Variants in LHFPL6 observed in about 807,000 individuals in gnomAD.
LHFPL6 encodes the protein LHFPL tetraspan subfamily member 6 protein.
In LHFPL6, 9 loss-of-function variants were observed where a neutral mutation model predicts 20.6. The observed-to-expected ratio is 0.44, with a 90% CI of 0.26 to 0.76. The LOEUF (loss-of-function observed/expected upper bound fraction) is 0.76, where lower values mean the gene tolerates loss of function less well. Among genes scored for constraint, LHFPL6 ranks in the 30% least tolerant of loss-of-function variants. The pLI, the probability that LHFPL6 is intolerant of heterozygous loss-of-function variation, is 0.20. For missense variants in LHFPL6, 218 were observed against 253.5 expected, an observed-to-expected ratio of 0.86 and a Z score of 0.95; for synonymous variants, 105 against 98.7, an observed-to-expected ratio of 1.06 and a Z score of -0.38.
chr13:39,398,224 T>C (rs1355653498), intron 2 of LHFPL6, among the ~76,000 whole-genome samples: 2 of 152,226 alleles, frequency 1.3e-5, no homozygotes, highest in African/African-American at 4.8e-5. Context: ...ACTGAGTTTC[T>C]GAATAAGCTC....
chr13:39,562,659 CACATATATACACACATATAT>C, intron 2 of LHFPL6, among the ~76,000 whole-genome samples: 2 of 135,398 alleles, frequency 1.5e-5, no homozygotes, highest in South Asian at 4.9e-4. Context: ...CACACATATA[CACATATATACACACATATAT>C]ACACACACAC....
chr13:39,508,188 C>T (rs1869558335), intron 2 of LHFPL6, among the ~76,000 whole-genome samples: 2 of 152,070 alleles, frequency 1.3e-5, no homozygotes, highest in African/African-American at 4.8e-5. Context: ...CCACGCCTGG[C>T]TAATTTTTGT....
At chr13:39,505,426 T>C (rs974014390) in intron 2 of LHFPL6, among the ~76,000 whole-genome samples, 1 of 151,814 alleles carries the variant, frequency 6.6e-6, no homozygotes, top group East Asian at 1.9e-4. Context: ...AGTGACAAAC[T>C]ACTGAAAGAA....
chr13:39,353,393 G>A (rs1014588243), intron 3 of LHFPL6, among the ~76,000 whole-genome samples: 3 of 152,054 alleles, frequency 2.0e-5, no homozygotes, highest in African/African-American at 4.8e-5. Context: ...GAAGTAAAAC[G>A]GCTGAGAGAA....
At chr13:39,384,323 C>T (rs546242138) in intron 2 of LHFPL6, among the ~76,000 whole-genome samples, 1 of 152,268 alleles carries the variant, frequency 6.6e-6, no homozygotes, top group South Asian at 2.1e-4. Context: ...TAAGTAACCT[C>T]CCCTGAAATG....
chr13:39,407,992 A>G (rs1008043347), intron 2 of LHFPL6, among the ~76,000 whole-genome samples: 11 of 152,246 alleles, frequency 7.2e-5, no homozygotes, highest in Non-Finnish European at 1.5e-4. Context: ...TTCCTTCTGC[A>G]TAACAGCGTA....
In LHFPL6 at chr13:39,353,230, G is replaced by C. The variant is rs111476665; in HGVS notation, c.485-9176C>G. ...CAAACTCCTGACCTCAGATAATCCA[G>C]CCGCCTCGGCCTTCCAAAGTGCTGA... On this transcript the variant is annotated intron_variant, in intron 3 of 3. Transcript: ENST00000379589. 4.2e-4 allele frequency among the ~76,000 whole-genome samples: 63 copies of C among 150,900 alleles called. 2 individuals are homozygous for C. The highest frequency in any genetic ancestry group is 3.4e-3 in the Middle Eastern group (1 of 294).
rs3751374 is a variant in LHFPL6, at chr13:39,600,668, A to G, written c.385+164T>C. On this transcript the variant is annotated intron_variant, in intron 2 of 3. Transcript: ENST00000379589. ...TTGAAGTTGTAAAGCAGCAATTCTG[A>G]CAATAATCTTGACTTTGGCAACCTA... Among the ~76,000 whole-genome samples, 35 of 152,342 alleles carry G rather than the reference A, an allele frequency of 2.3e-4. No homozygotes were observed. In the East Asian group the frequency reaches 5.8e-3, roughly 25 times the overall value.
chr13:39,492,731 C>T (rs986854815), intron 2 of LHFPL6, among the ~76,000 whole-genome samples: 4 of 151,988 alleles, frequency 2.6e-5, no homozygotes, highest in African/African-American at 9.7e-5. Context: ...ATGACATGAT[C>T]TCAGCTCACT....
At chr13:39,506,067 T>C (rs1869467729) in intron 2 of LHFPL6, among the ~76,000 whole-genome samples, 3 of 152,134 alleles carry the variant, frequency 2.0e-5, no homozygotes, top group Non-Finnish European at 4.4e-5. Flanking sequence ...GCAAGAACTA[T>C]CTCTTTTTAC....
chr13:39,408,354 T>C (rs879440454), intron 2 of LHFPL6, among the ~76,000 whole-genome samples: 5 of 152,206 alleles, frequency 3.3e-5, no homozygotes, highest in African/African-American at 4.8e-5. Flanking sequence ...AATTATTCCA[T>C]AGTAATGAAG....
intron 2 of LHFPL6, among the ~76,000 whole-genome samples, chr13:39,599,893 A>T (rs144733308): frequency 5.4e-4 from 82 of 152,330 alleles, no homozygotes; most frequent in African/African-American, 1.8e-3. Flanking sequence ...TTACTTTGTA[A>T]TGAAGTTCCA....
chr13:39,468,148 A>G (rs1872850409), intron 2 of LHFPL6, among the ~76,000 whole-genome samples: 1 of 152,206 alleles, frequency 6.6e-6, no homozygotes, highest in Non-Finnish European at 1.5e-5. Context: ...ACCGATCTAC[A>G]TAAACTCAAG....
chr13:39,479,034 T>TAGATATAGATAG (rs1555264216), intron 2 of LHFPL6, among the ~76,000 whole-genome samples: 8 of 143,988 alleles, frequency 5.6e-5, no homozygotes, highest in Admixed American at 1.4e-4. Context: ...GGGAGATAGA[T>TAGATATAGATAG]ATAGATAGAT....
intron 3 of LHFPL6, among the ~76,000 whole-genome samples, chr13:39,352,375 A>G (rs1001068875): frequency 2.6e-5 from 4 of 152,196 alleles, no homozygotes; most frequent in Non-Finnish European, 4.4e-5. Flanking sequence ...TGGTGCCACC[A>G]TACCATCCTA....
intron 2 of LHFPL6, among the ~76,000 whole-genome samples, chr13:39,449,110 C>G (rs1204113235): frequency 1.3e-5 from 2 of 152,224 alleles, no homozygotes; most frequent in South Asian, 4.1e-4. Flanking sequence ...AGCTTTTCCA[C>G]TGCATCTCGG....
chr13:39,530,718 CT>C (rs891083074), intron 2 of LHFPL6, among the ~76,000 whole-genome samples: 14 of 151,316 alleles, frequency 9.3e-5, no homozygotes, highest in African/African-American at 2.7e-4. Context: ...CACTTTTTTT[CT>C]TTTGCATTGT....
At chr13:39,508,329 TTTACATATAA>T (rs1593341101) in intron 2 of LHFPL6, among the ~76,000 whole-genome samples, 1 of 152,136 alleles carries the variant, frequency 6.6e-6, no homozygotes, top group East Asian at 1.9e-4. Context: ...CAGGCCATAA[TTTACATATAA>T]TTACATTAAC....
At chr13:39,468,355 C>A (rs2138434611) in intron 2 of LHFPL6, among the ~76,000 whole-genome samples, 1 of 152,118 alleles carries the variant, frequency 6.6e-6, no homozygotes. Flanking sequence ...AGTAATCATG[C>A]ATTTTTCCTG....
Sources: allele counts gnomAD v4.1 joint callset (sites outside exome capture counted in the v4.1 genomes callset), GRCh38; gene constraint gnomAD v4.1.1; transcripts MANE v1.5; gene names NCBI Gene and HGNC (gene_info 2026-07-23, HGNC 2026-07-21).